DLG1: variants seen among roughly 807,000 people sequenced by gnomAD.
DLG1 encodes discs large MAGUK scaffold protein 1.
A neutral mutation model predicts 123.4 loss-of-function variants in DLG1; 42 were observed. The ratio of observed to expected loss-of-function variants is 0.34; its 90% confidence interval spans 0.27 to 0.44. The LOEUF (loss-of-function observed/expected upper bound fraction) is 0.44. Ranked by LOEUF, DLG1 falls within the 20% of genes least tolerant of loss-of-function variation. DLG1 has a pLI of 1.00. For missense variants in DLG1, 942 were observed against 1,082.6 expected (o/e 0.87, Z 1.82); for synonymous variants, 317 against 356.2 (o/e 0.89, Z 1.24).
chr3:197,270,682 TCAA>T (rs551946162), intron 4 of DLG1, among the ~76,000 whole-genome samples: 169 of 152,188 alleles, frequency 1.1e-3, no homozygotes, highest in African/African-American at 3.2e-3. Flanking sequence ...CTTCACAATA[TCAA>T]CAAGAAAAAC....
intron 5 of DLG1, among the ~76,000 whole-genome samples, chr3:197,163,451 C>G (rs1030845020): frequency 2.0e-5 from 3 of 151,620 alleles, no homozygotes; most frequent in Non-Finnish European, 4.4e-5. Context: ...AGTCAAAAGG[C>G]GGAAAGAAAC....
chr3:197,069,036 T>A (rs1276687943), intron 19 of DLG1, among the ~76,000 whole-genome samples, 183 bp downstream of exon 19: 1 of 152,084 alleles, frequency 6.6e-6, no homozygotes, highest in Non-Finnish European at 1.5e-5. Flanking sequence ...TTTTATAAAT[T>A]AACCTCTACA....
In DLG1 at chr3:197,221,112, C is replaced by T. The variant is rs140347680; in HGVS notation, c.319-26523G>A. Among the ~76,000 whole-genome samples, 47 of 152,232 alleles carry T rather than the reference C, an allele frequency of 3.1e-4. No individual in the cohort carries two copies. In the East Asian group the frequency reaches 8.5e-3, roughly 28 times the overall value. The stretch of plus-strand genomic sequence containing the variant: ...CAAGGAAACCTTACATACCACATAC[C>T]ATACCCTAAAAGCAAAGGGGCATAC... On this transcript the variant is annotated intron_variant, in intron 4 of 24. Coordinates refer to ENST00000667157, the MANE Select transcript of DLG1 (RefSeq NM_001366207.1).
chr3:197,156,023 T>A (rs1332600437), intron 5 of DLG1, among the ~76,000 whole-genome samples: 67 of 152,208 alleles, frequency 4.4e-4, no homozygotes. Context: ...CAATTATTAG[T>A]TTAAAAGCTA....
intron 5 of DLG1, among the ~76,000 whole-genome samples, chr3:197,174,457 G>T (rs2150060520): frequency 6.6e-6 from 1 of 152,170 alleles, no homozygotes; most frequent in South Asian, 2.1e-4. Context: ...TCTTACAACT[G>T]AAAAAATTTT....
chr3:197,296,960 G>T (rs577172568), intron 2 of DLG1: 7 of 553,034 alleles, frequency 1.3e-5, no homozygotes, highest in Non-Finnish European at 1.9e-5. Context: ...TGTTGGGGGG[G>T]GGCTAACTGC....
chr3:197,181,516 A>G (rs1711911928), intron 5 of DLG1, among the ~76,000 whole-genome samples: 1 of 152,198 alleles, frequency 6.6e-6, no homozygotes, highest in African/African-American at 2.4e-5. Flanking sequence ...ATGAGTCAGT[A>G]AGTGCAATTT....
intron 6 of DLG1, 64 bp from the exon 7 acceptor site, chr3:197,142,832 A>C: frequency 4.6e-6 from 6 of 1,304,626 alleles, no homozygotes; most frequent in Non-Finnish European, 6.5e-6. Flanking sequence ...GGCAAGGCAA[A>C]ATTTTTGTAT....
At chr3:197,101,410 G>T (rs1763381299) in intron 14 of DLG1, among the ~76,000 whole-genome samples, 1 of 150,706 alleles carries the variant, frequency 6.6e-6, no homozygotes, top group Non-Finnish European at 1.5e-5. Context: ...TTTTGAGACA[G>T]AGTCTCGCTC....
At chr3:197,270,367 G>T (rs997370581) in intron 4 of DLG1, among the ~76,000 whole-genome samples, 7 of 152,012 alleles carry the variant, frequency 4.6e-5, no homozygotes, top group African/African-American at 1.5e-4. Context: ...TAAAGAGAGA[G>T]ATCAAGAAAA....
chr3:197,166,354 A>T (rs908058157), intron 5 of DLG1, among the ~76,000 whole-genome samples: 7 of 152,232 alleles, frequency 4.6e-5, no homozygotes, highest in African/African-American at 1.7e-4. Flanking sequence ...AGGCAGTTAT[A>T]AATATGAAAA....
intron 5 of DLG1, among the ~76,000 whole-genome samples, chr3:197,190,899 A>G (rs1210176461): frequency 6.6e-6 from 1 of 152,022 alleles, no homozygotes; most frequent in East Asian, 1.9e-4. Context: ...AGTCCCAGCT[A>G]CTCGGGAGGC....
chr3:197,164,776 G>T (rs1800539575), intron 5 of DLG1, among the ~76,000 whole-genome samples: 1 of 151,114 alleles, frequency 6.6e-6, no homozygotes, highest in Non-Finnish European at 1.5e-5. Flanking sequence ...ACAAAGATTA[G>T]CTAGGTGCGG....
At chr3:197,184,917 A>G (rs768643431) in intron 5 of DLG1, among the ~76,000 whole-genome samples, 22 of 152,186 alleles carry the variant, frequency 1.4e-4, no homozygotes, top group Non-Finnish European at 2.8e-4. Flanking sequence ...CTAGTTATAT[A>G]TGCAGATTGG....
At chr3:197,139,518 A>G (rs1786883580) in intron 8 of DLG1, among the ~76,000 whole-genome samples, 1 of 152,224 alleles carries the variant, frequency 6.6e-6, no homozygotes, top group Non-Finnish European at 1.5e-5. Context: ...AGGAAATAGG[A>G]AAAATGACAT....
At chr3:197,161,539 C>A (rs565812597) in intron 5 of DLG1, 5 of 678,860 alleles carry the variant, frequency 7.4e-6, no homozygotes, top group Non-Finnish European at 8.9e-6. Context: ...AAGTAAATTA[C>A]CAAATTACAA....
At chr3:197,127,495 T>TATATATAA (rs1553936756) in intron 11 of DLG1, among the ~76,000 whole-genome samples, 3 of 49,428 alleles carry the variant, frequency 6.1e-5, no homozygotes, top group South Asian at 8.0e-4. Flanking sequence ...TATATATATA[T>TATATATAA]AAAGTAAGAA....
At chr3:197,183,553 A>G in intron 5 of DLG1, 3 of 1,539,158 alleles carry the variant, frequency 1.9e-6, no homozygotes, top group Non-Finnish European at 2.6e-6. Flanking sequence ...ATTGAAAATA[A>G]TTTCAACAAG....
At chr3:197,277,379 G>A (rs138066662) in intron 4 of DLG1, among the ~76,000 whole-genome samples, 190 of 151,600 alleles carry the variant, frequency 1.3e-3, no homozygotes, top group African/African-American at 4.2e-3. Context: ...CACCCAGGCT[G>A]GAGTGCAGTG....
Sources: allele counts gnomAD v4.1 joint callset (sites outside exome capture counted in the v4.1 genomes callset), GRCh38; gene constraint gnomAD v4.1.1; transcripts MANE v1.5; gene names NCBI Gene and HGNC (gene_info 2026-07-23, HGNC 2026-07-21).